SNX9: variants seen among roughly 807,000 people sequenced by gnomAD.
The protein encoded by SNX9 is sorting nexin 9.
A neutral mutation model predicts 89.4 loss-of-function variants in SNX9; 44 were observed. The observed-to-expected ratio is 0.49, with a 90% CI of 0.39 to 0.63. The LOEUF is 0.63. SNX9 is among the 30% of genes least tolerant of loss of function. SNX9 has a pLI of 0.00. For synonymous variants in SNX9, 236 were observed against 247.8 expected, an observed-to-expected ratio of 0.95 and a Z score of 0.45; for missense variants, 578 against 736.1, an observed-to-expected ratio of 0.79 and a Z score of 2.49.
At chr6:157,850,358 A>G (rs1781887757) in intron 1 of SNX9, among the ~76,000 whole-genome samples, 1 of 152,140 alleles carries the variant, frequency 6.6e-6, no homozygotes, top group Non-Finnish European at 1.5e-5. Flanking sequence ...GAATTTCTTG[A>G]TGTTAAGAGA....
At chr6:157,897,424 C>T (rs558447126) in intron 5 of SNX9, among the ~76,000 whole-genome samples, 1 of 152,268 alleles carries the variant, frequency 6.6e-6, no homozygotes, top group East Asian at 1.9e-4. Context: ...CCAGGTGCCC[C>T]TACATGTTCA....
intron 1 of SNX9, among the ~76,000 whole-genome samples, chr6:157,861,583 G>A (rs1291990333): frequency 1.3e-5 from 2 of 152,172 alleles, no homozygotes; most frequent in African/African-American, 2.4e-5. Flanking sequence ...ATAATATTCT[G>A]TATTTAGTTC....
intron 9 of SNX9, among the ~76,000 whole-genome samples, chr6:157,917,445 A>G (rs1302565355): frequency 9.2e-5 from 14 of 152,160 alleles, no homozygotes; most frequent in Admixed American, 9.2e-4. Flanking sequence ...TCCTCTAAGC[A>G]TGCTTTTGCT....
rs541357863 is a variant in SNX9, at chr6:157,867,359, C to T, written c.13-188C>T. On this transcript the variant is annotated intron_variant, in intron 1 of 17. Transcript: ENST00000392185. ...CTCCGGAACAGAACAGGGCTATCACCGTTGGTGTTATTCTTCCTCAGAGTA... is the reference window on the plus strand; with the variant it reads ...CTCCGGAACAGAACAGGGCTATCACTGTTGGTGTTATTCTTCCTCAGAGTA... Among the ~76,000 whole-genome samples, 3 of 152,320 alleles carry T rather than the reference C, an allele frequency of 2.0e-5. No homozygotes were observed. In the East Asian group the frequency reaches 5.8e-4, roughly 29 times the overall value.
intron 1 of SNX9, among the ~76,000 whole-genome samples, chr6:157,837,221 G>T (rs983463580): frequency 2.0e-5 from 3 of 152,146 alleles, no homozygotes; most frequent in African/African-American, 7.2e-5. Context: ...TCTTTTGATT[G>T]ATCGTTGGTA....
chr6:157,929,650 C>G (rs919568631), intron 12 of SNX9, among the ~76,000 whole-genome samples: 5 of 152,062 alleles, frequency 3.3e-5, no homozygotes, highest in African/African-American at 1.2e-4. Context: ...TAACATATAC[C>G]TACTTTTCTA....
rs183963968 is a variant in SNX9, at chr6:157,915,931, G to A, written c.950-5600G>A. Among the ~76,000 whole-genome samples the A allele has an allele frequency of 1.1e-4, 16 of 150,696 alleles. No homozygotes were observed. In the East Asian group the frequency reaches 1.5e-3, roughly 15 times the overall value. ...TAGTTATGTATTGCATATAGAGATC[G>A]CTTGATTTTTGTATATCCACCTTTT... On this transcript the variant is annotated intron_variant, in intron 9 of 17. Transcript: ENST00000392185.
intron 1 of SNX9, among the ~76,000 whole-genome samples, chr6:157,844,303 C>T (rs1781757822): frequency 1.3e-5 from 2 of 152,078 alleles, no homozygotes; most frequent in Admixed American, 1.3e-4. Context: ...TTTTTAAGGA[C>T]AATTTGGTGG....
chr6:157,906,460 C>A (rs548691987), intron 7 of SNX9, among the ~76,000 whole-genome samples: 1 of 152,120 alleles, frequency 6.6e-6, no homozygotes, highest in Non-Finnish European at 1.5e-5. Context: ...CTATTTTGAT[C>A]ATTTTTTTCT....
intron 10 of SNX9, among the ~76,000 whole-genome samples, chr6:157,924,214 T>G (rs1433987962): frequency 2.0e-5 from 3 of 151,660 alleles, no homozygotes; most frequent in Non-Finnish European, 4.4e-5. Context: ...TATAAATATA[T>G]ATATGTATGT....
At chr6:157,894,794 G>A (rs1332532461) in intron 4 of SNX9, among the ~76,000 whole-genome samples, 1 of 152,152 alleles carries the variant, frequency 6.6e-6, no homozygotes, top group African/African-American at 2.4e-5. Flanking sequence ...AAATCCATCG[G>A]TTCTAAATAC....
At position 157,823,731 on chromosome 6, in the gene SNX9, G is replaced by A. The variant is rs937350355; in HGVS notation, c.12+285G>A. On this transcript the variant is annotated intron_variant, in intron 1 of 17. Coordinates refer to ENST00000392185, the MANE Select transcript of SNX9 (RefSeq NM_016224.5). The surrounding 1 kb of genome is among the most constrained non-coding windows in gnomAD (Gnocchi z 4.6). The stretch of plus-strand genomic sequence containing the variant: ...CGAGGTTTGGGAAGTTTGCACCTGA[G>A]CGTGGGCTGCGGCGGGCTCGCCGGG... 5.9e-5 allele frequency among the ~76,000 whole-genome samples: 9 copies of A among 151,958 alleles called. No homozygotes were observed. The highest frequency in any genetic ancestry group is 2.2e-4 in the African/African-American group (9 of 41,424).
intron 1 of SNX9, among the ~76,000 whole-genome samples, chr6:157,834,152 T>G (rs930357846): frequency 3.4e-5 from 2 of 59,110 alleles, no homozygotes; most frequent in Non-Finnish European, 6.7e-5. Flanking sequence ...CCACTGTGGT[T>G]TTTTTTTTTT....
At chr6:157,853,791 T>TAAAAA (rs11322047) in intron 1 of SNX9, among the ~76,000 whole-genome samples, 1 of 147,868 alleles carries the variant, frequency 6.8e-6, no homozygotes, top group African/African-American at 2.5e-5. Context: ...ATGTAATGTT[T>TAAAAA]AAAAAAAAAA....
At chr6:157,906,001 C>T in intron 6 of SNX9, 127 bp from the exon 7 acceptor site, 1 of 664,978 alleles carries the variant, frequency 1.5e-6, no homozygotes, top group Admixed American at 3.4e-5. Context: ...TCATTTACCA[C>T]AGTTTCCAGT....
chr6:157,866,266 C>G (rs1274671718), intron 1 of SNX9, among the ~76,000 whole-genome samples: 1 of 152,094 alleles, frequency 6.6e-6, no homozygotes, highest in Non-Finnish European at 1.5e-5. Flanking sequence ...TAGCTTTGTC[C>G]TAGTCTGTCT....
rs772540862 is a variant in SNX9 at position 157,892,979 on chromosome 6, C to T, written c.301-3848C>T. ...CCTCCGAGCCCCTCCATTTCACAGC[C>T]GGTCCTTGATGGAAACCAGGCTGAG... On this transcript the variant is annotated intron_variant, in intron 4 of 17. Transcript: ENST00000392185. Among the ~76,000 whole-genome samples the T allele has an allele frequency of 6.6e-5, 10 of 152,154 alleles. No homozygotes were observed. In the East Asian group the frequency reaches 1.7e-3, roughly 26 times the overall value.
chr6:157,916,541 A>C (rs769020862), intron 9 of SNX9, among the ~76,000 whole-genome samples: 3 of 152,184 alleles, frequency 2.0e-5, no homozygotes, highest in Non-Finnish European at 2.9e-5. Flanking sequence ...TTCACCATTA[A>C]CTATGATGTT....
At chr6:157,907,698 A>G (rs1432963550) in intron 7 of SNX9, among the ~76,000 whole-genome samples, 1 of 152,234 alleles carries the variant, frequency 6.6e-6, no homozygotes, top group Non-Finnish European at 1.5e-5. Context: ...CCATGCACCC[A>G]GTAGGCAGGT....
Sources: gnomAD v4.1 joint callset for allele counts (sites outside exome capture counted in the v4.1 genomes callset) on GRCh38, gnomAD v4.1.1 for gene constraint, Gnocchi (gnomAD v3.1) non-coding constraint, MANE v1.5 for transcripts, NCBI Gene and HGNC (gene_info 2026-07-23, HGNC 2026-07-21) for gene names.